GFRA1: variants seen among roughly 807,000 people sequenced by gnomAD.
GFRA1 encodes the protein GDNF family receptor alpha-1.
In GFRA1, 16 loss-of-function variants were observed where a neutral mutation model predicts 51.6. The observed-to-expected ratio is 0.31, with a 90% CI of 0.21 to 0.47. GFRA1 has a LOEUF of 0.47. GFRA1 is among the 20% of genes least tolerant of loss of function. GFRA1 has a pLI of 1.00. For synonymous variants in GFRA1, 270 were observed against 241.3 expected (o/e 1.12, Z -1.10); for missense variants, 530 against 594.3 (o/e 0.89, Z 1.13).
chr10:116,166,866 C>G, intron 5 of GFRA1, among the ~76,000 whole-genome samples: 1 of 132,852 alleles, frequency 7.5e-6, no homozygotes, highest in Non-Finnish European at 1.5e-5. Context: ...GCGGTGCGAT[C>G]TCGGCACACT....
At chr10:116,125,978 T>A (rs1244252446) in intron 5 of GFRA1, among the ~76,000 whole-genome samples, 1 of 152,256 alleles carries the variant, frequency 6.6e-6, no homozygotes, top group Admixed American at 6.5e-5. Context: ...TCCAAGAATG[T>A]AATTATGTAA....
At chr10:116,196,700 TATATATTATATATAGTACTATATATA>T (rs1963876502) in intron 5 of GFRA1, among the ~76,000 whole-genome samples, 1 of 54,624 alleles carries the variant, frequency 1.8e-5, no homozygotes, top group Non-Finnish European at 3.2e-5. Context: ...CTATATATAA[TATATATTATATATAGTACTATATATA>T]ATATATAATA....
intron 6 of GFRA1, among the ~76,000 whole-genome samples, chr10:116,113,358 A>C (rs1328001632): frequency 6.6e-6 from 1 of 152,148 alleles, no homozygotes; most frequent in Non-Finnish European, 1.5e-5. Flanking sequence ...ACATAAACAA[A>C]AGCCCATTGA....
At chr10:116,176,247 A>G (rs1961583843) in intron 5 of GFRA1, among the ~76,000 whole-genome samples, 1 of 152,212 alleles carries the variant, frequency 6.6e-6, no homozygotes, top group Non-Finnish European at 1.5e-5. Flanking sequence ...AGATGGAACA[A>G]AAGTGCCTGC....
Position 116,057,702 on chromosome 10 carries a change from C to G in GFRA1, c.*6696G>C, listed in dbSNP as rs1017440486. The stretch of plus-strand genomic sequence containing the variant: ...AGAAGAAGATAGATAATGAGGAGAA[C>G]TATAAGGCCCTGGATTCAGGTTTCT... On this transcript the variant is annotated 3_prime_UTR_variant, in exon 11 of 11. Transcript: ENST00000355422. 6.0e-5 allele frequency: 9 copies of G among 151,222 alleles called. No individual in the cohort carries two copies. The highest frequency in any genetic ancestry group is 1.9e-4 in the African/African-American group (8 of 41,178). 9.4% of individuals were successfully genotyped at this position (151,222 alleles called of 1,614,324 possible). A position where few individuals can be genotyped will look rare whatever the true frequency, so the allele number is the denominator to read the frequency against.
chr10:116,258,010 G>A (rs1293772295), intron 4 of GFRA1, among the ~76,000 whole-genome samples: 2 of 152,198 alleles, frequency 1.3e-5, no homozygotes, highest in South Asian at 2.1e-4. Flanking sequence ...CAGCTTAAAA[G>A]TCCCCTTTTG....
intron 5 of GFRA1, among the ~76,000 whole-genome samples, chr10:116,203,795 C>T (rs1266656242): frequency 2.6e-5 from 4 of 152,294 alleles, no homozygotes; most frequent in Middle Eastern, 3.4e-3. Context: ...AGGGAAGGTA[C>T]AGAGGGTTTA....
chr10:116,089,703 A>G, intron 9 of GFRA1, 38 bp downstream of exon 9: 1 of 1,572,994 alleles, frequency 6.4e-7, no homozygotes, highest in Non-Finnish European at 8.7e-7. Context: ...CCCCACCAGG[A>G]AGGGAGCCCC....
rs147272109 is a variant in GFRA1 at position 116,109,434 on chromosome 10, C to T, written c.771-12670G>A. ...AGTGGGCATTCTTTTTGGTTAATAGCGCTTGTAGCTTAAAAACATAAAAAA... is the reference window on the plus strand; with the variant it reads ...AGTGGGCATTCTTTTTGGTTAATAGTGCTTGTAGCTTAAAAACATAAAAAA... On this transcript the variant is annotated intron_variant, in intron 6 of 10. Coordinates refer to ENST00000355422, the MANE Select transcript of GFRA1 (RefSeq NM_005264.8). Among the ~76,000 whole-genome samples, 22 of 152,256 alleles carry T rather than the reference C, an allele frequency of 1.4e-4. No individual in the cohort carries two copies. In the East Asian group the frequency reaches 3.9e-3, roughly 27 times the overall value.
intron 4 of GFRA1, among the ~76,000 whole-genome samples, chr10:116,258,476 T>A (rs1969064415): frequency 6.7e-6 from 1 of 148,530 alleles, no homozygotes; most frequent in African/African-American, 2.4e-5. Context: ...AATATATACG[T>A]AACATATATA....
At chr10:116,208,866 A>G (rs1049038907) in intron 5 of GFRA1, among the ~76,000 whole-genome samples, 7 of 152,360 alleles carry the variant, frequency 4.6e-5, no homozygotes, top group African/African-American at 1.7e-4. Context: ...TCATGACCCT[A>G]GACACACATG....
chr10:116,243,863 C>T (rs1435056206), intron 4 of GFRA1, among the ~76,000 whole-genome samples: 1 of 152,118 alleles, frequency 6.6e-6, no homozygotes, highest in Non-Finnish European at 1.5e-5. Flanking sequence ...TGAAAACAGG[C>T]TCAGAGTATC....
chr10:116,152,246 C>A (rs952664903), intron 5 of GFRA1, among the ~76,000 whole-genome samples: 1 of 152,198 alleles, frequency 6.6e-6, no homozygotes, highest in African/African-American at 2.4e-5. Flanking sequence ...AGAGAGGAAG[C>A]AGGAGCACCA....
intron 9 of GFRA1, among the ~76,000 whole-genome samples, chr10:116,087,349 C>T (rs528928363): frequency 1.3e-5 from 2 of 152,320 alleles, no homozygotes; most frequent in East Asian, 1.9e-4. Flanking sequence ...ATGGGGGAAA[C>T]TCCAATTTCA....
intron 5 of GFRA1, among the ~76,000 whole-genome samples, chr10:116,202,680 C>T (rs534697779): frequency 4.6e-5 from 7 of 152,142 alleles, no homozygotes; most frequent in Admixed American, 3.9e-4. Context: ...CTAAGGGGGA[C>T]ATGCCACACT....
intron 5 of GFRA1, among the ~76,000 whole-genome samples, chr10:116,153,717 G>A (rs369095192): frequency 2.6e-5 from 4 of 152,180 alleles, no homozygotes; most frequent in East Asian, 1.9e-4. Flanking sequence ...TGCAAAGAAT[G>A]CCTAGCATAA....
intron 9 of GFRA1, among the ~76,000 whole-genome samples, chr10:116,079,366 C>A (rs1565558392): frequency 6.6e-6 from 1 of 152,112 alleles, no homozygotes; most frequent in African/African-American, 2.4e-5. Flanking sequence ...TCCCTGCCTG[C>A]ACTACCTAGG....
chr10:116,082,479 G>GT (rs11284661), intron 9 of GFRA1, among the ~76,000 whole-genome samples: 110 of 147,598 alleles, frequency 7.5e-4, no homozygotes, highest in African/African-American at 1.2e-3. Flanking sequence ...TGTTTTTTTT[G>GT]TTTTTTTTTT....
At chr10:116,261,510 T>A (rs1010042272) in intron 4 of GFRA1, among the ~76,000 whole-genome samples, 1 of 152,232 alleles carries the variant, frequency 6.6e-6, no homozygotes, top group Non-Finnish European at 1.5e-5. Flanking sequence ...CCTACTCTCA[T>A]TTTCTCTTTT....
Sources: allele counts gnomAD v4.1 joint callset (sites outside exome capture counted in the v4.1 genomes callset), GRCh38; gene constraint gnomAD v4.1.1; transcripts MANE v1.5; gene names NCBI Gene and HGNC (gene_info 2026-07-23, HGNC 2026-07-21).